KIRREL3: variants seen among roughly 807,000 people sequenced by gnomAD.
KIRREL3 encodes the protein kirre like nephrin family adhesion molecule 3, also known as kin of IRRE-like protein 3.
In KIRREL3, 36 loss-of-function variants were observed where a neutral mutation model predicts 89.7. That is an observed-to-expected ratio of 0.40 (90% CI 0.31 to 0.53). The LOEUF (loss-of-function observed/expected upper bound fraction) is 0.53. KIRREL3 is among the 20% of genes least tolerant of loss of function. The probability of loss-of-function intolerance (pLI) is 0.49; values close to 1 mark genes in which losing one functional copy is unlikely to be tolerated. For missense variants in KIRREL3, 864 were observed against 1,056.6 expected (o/e 0.82, Z 2.53); for synonymous variants, 445 against 441.4 (o/e 1.01, Z -0.10).
At position 126,867,297 on chromosome 11, in the gene KIRREL3, C is replaced by T. The variant is rs564396902; in HGVS notation, c.55+133158G>A. 6.6e-6 allele frequency among the ~76,000 whole-genome samples: 1 copy of T among 152,350 alleles called. No individual in the cohort carries two copies. Among genetic ancestry groups the T allele is most frequent in the Admixed American group, 6.5e-5 (1 of 15,308 alleles). ...CAATAGCAGGTCTTCAGGACCTGTG[C>T]TGGGACTCTCCTCTCATTACCTGCA... On this transcript the variant is annotated intron_variant, in intron 1 of 16. Coordinates refer to ENST00000525144, the MANE Select transcript of KIRREL3 (RefSeq NM_032531.4). The surrounding 1 kb of genome is among the most constrained non-coding windows in gnomAD (Gnocchi z 4.7).
At chr11:126,758,370 T>A (rs537101512) in intron 1 of KIRREL3, among the ~76,000 whole-genome samples, 130 of 152,376 alleles carry the variant, frequency 8.5e-4, no homozygotes, top group African/African-American at 3.1e-3. Flanking sequence ...TTTGTAGTAG[T>A]ACTATTTTGA....
chr11:126,479,432 C>T (rs561554842), intron 4 of KIRREL3, among the ~76,000 whole-genome samples: 1 of 152,366 alleles, frequency 6.6e-6, no homozygotes, highest in South Asian at 2.1e-4. Context: ...GCCCTTGCCA[C>T]TCCAGGCCAG....
At chr11:126,847,802 T>G (rs1944199593) in intron 1 of KIRREL3, among the ~76,000 whole-genome samples, 2 of 152,238 alleles carry the variant, frequency 1.3e-5, no homozygotes. Context: ...GGAACACATT[T>G]GTTTCCCTCT....
In KIRREL3 at chr11:126,430,213, G is replaced by A. The variant is rs1334571015; in HGVS notation, c.1697-925C>T. On this transcript the variant is annotated intron_variant, in intron 14 of 16. Coordinates refer to ENST00000525144, the MANE Select transcript of KIRREL3 (RefSeq NM_032531.4). This position sits in a 1 kb window ranked among gnomAD's most constrained non-coding sequence, Gnocchi z 6.6. ...TAATCCCAGCACATTGGGAGGCCGA[G>A]GAAGGCGGACCACTTGAGGCCAGGA... is the stretch of plus-strand genomic sequence containing the variant. Among the ~76,000 whole-genome samples the A allele has an allele frequency of 6.6e-6, 1 of 152,136 alleles. No homozygotes were observed. Among genetic ancestry groups the A allele is most frequent in the Admixed American group, 6.5e-5 (1 of 15,288 alleles).
chr11:126,616,370 C>G (rs1207760876), intron 1 of KIRREL3, among the ~76,000 whole-genome samples: 1 of 152,166 alleles, frequency 6.6e-6, no homozygotes, highest in Non-Finnish European at 1.5e-5. Flanking sequence ...TCTTCTTAAA[C>G]ACAGCCCAAA....
rs1031229419 is a variant in KIRREL3 at position 126,501,893 on chromosome 11, C to T, written c.433+19422G>A. Among the ~76,000 whole-genome samples, 14 of 152,136 alleles carry T rather than the reference C, an allele frequency of 9.2e-5. No homozygotes were observed. The highest frequency in any genetic ancestry group is 3.1e-4 in the African/African-American group (13 of 41,418). On this transcript the variant is annotated intron_variant, in intron 4 of 16. Transcript: ENST00000525144. The surrounding 1 kb of genome is among the most constrained non-coding windows in gnomAD (Gnocchi z 5.8). Reference sequence around the variant, plus strand: ...CATCGATACCAGTGACTTACATGCACCCAGGTGCCAAGGTAAGCACGGACG... The same window carrying T: ...CATCGATACCAGTGACTTACATGCATCCAGGTGCCAAGGTAAGCACGGACG...
rs116294321 is a variant in KIRREL3 at position 126,708,031 on chromosome 11, C to T, written c.56-145119G>A. ...AGGGTGAAACAGGCGATTGGCAATA[C>T]TCCCCTCCGCATCCCTGAAGCAGGT... On this transcript the variant is annotated intron_variant, in intron 1 of 16. Transcript: ENST00000525144. The surrounding 1 kb of genome is among the most constrained non-coding windows in gnomAD (Gnocchi z 5.7). Among the ~76,000 whole-genome samples, 523 of 152,284 alleles carry T rather than the reference C, an allele frequency of 3.4e-3. 2 individuals are homozygous for T. The highest frequency in any genetic ancestry group is 0.012 in the African/African-American group (491 of 41,556).
At chr11:126,762,819 G>A (rs902572129) in intron 1 of KIRREL3, among the ~76,000 whole-genome samples, 8 of 152,150 alleles carry the variant, frequency 5.3e-5, no homozygotes, top group African/African-American at 1.2e-4. Context: ...AGTCTCTTTC[G>A]TCAACCTGCT....
intron 1 of KIRREL3, among the ~76,000 whole-genome samples, chr11:126,893,771 C>T (rs913315702): frequency 3.3e-5 from 5 of 152,200 alleles, no homozygotes; most frequent in East Asian, 1.9e-4. Flanking sequence ...TTAAACGATG[C>T]GTGTTATAAA....
At chr11:126,437,916 A>G (rs1250062666) in intron 11 of KIRREL3, among the ~76,000 whole-genome samples, 2 of 152,180 alleles carry the variant, frequency 1.3e-5, no homozygotes, top group East Asian at 1.9e-4. Flanking sequence ...CACACACACA[A>G]GTACACACAC....
At chr11:126,649,371 G>C (rs1944820590) in intron 1 of KIRREL3, among the ~76,000 whole-genome samples, 1 of 152,234 alleles carries the variant, frequency 6.6e-6, no homozygotes, top group Non-Finnish European at 1.5e-5. Flanking sequence ...AAAGTCCACA[G>C]TCCAAACTCT....
chr11:126,682,315 C>T lies in KIRREL3; in HGVS notation c.56-119403G>A, dbSNP rs972579478. ...TCCTTCTAGGTTAGAGTGGGTGACACTGAGCATGTAACTTAACCTCTCTGA... is the reference window on the plus strand; with the variant it reads ...TCCTTCTAGGTTAGAGTGGGTGACATTGAGCATGTAACTTAACCTCTCTGA... On this transcript the variant is annotated intron_variant, in intron 1 of 16. Coordinates refer to ENST00000525144, the MANE Select transcript of KIRREL3 (RefSeq NM_032531.4). The surrounding 1 kb of genome is among the most constrained non-coding windows in gnomAD (Gnocchi z 4.8). Among the ~76,000 whole-genome samples, 3 of 152,124 alleles carry T rather than the reference C, an allele frequency of 2.0e-5. No homozygotes were observed. Among genetic ancestry groups the T allele is most frequent in the African/African-American group, 7.2e-5 (3 of 41,432 alleles).
Position 126,447,631 on chromosome 11 carries a change from T to C in KIRREL3, c.998-745A>G, listed in dbSNP as rs1274894111. ...AGGCTCCTCTCCACCTTCCCTAGCA[T>C]GTCTGGAGCCTTCTGTAGACCAAGC... is the stretch of plus-strand genomic sequence containing the variant. On this transcript the variant is annotated intron_variant, in intron 8 of 16. Transcript: ENST00000525144. 2.0e-5 allele frequency among the ~76,000 whole-genome samples: 3 copies of C among 152,228 alleles called. No individual in the cohort carries two copies. The East Asian group carries it at 5.8e-4, about 30-fold the overall frequency.
chr11:126,982,769 C>A (rs1949753588), intron 1 of KIRREL3, among the ~76,000 whole-genome samples: 1 of 152,220 alleles, frequency 6.6e-6, no homozygotes, highest in South Asian at 2.1e-4. Context: ...GCAAATCATA[C>A]ATGGACAAAC....
intron 1 of KIRREL3, among the ~76,000 whole-genome samples, chr11:126,718,460 T>C (rs546226436): frequency 6.6e-6 from 1 of 152,266 alleles, no homozygotes; most frequent in East Asian, 1.9e-4. Flanking sequence ...ACGAGGGTGT[T>C]TGGGGGCACT....
rs1018582627 is a variant in KIRREL3, at chr11:126,498,499, G to A, written c.433+22816C>T. ...TGTCTGTCAGGTAAGGGGTGGCAGC[G>A]AGAGATAATTATAATCAGATCTAAT... On this transcript the variant is annotated intron_variant, in intron 4 of 16. Coordinates refer to ENST00000525144, the MANE Select transcript of KIRREL3 (RefSeq NM_032531.4). The surrounding 1 kb of genome is among the most constrained non-coding windows in gnomAD (Gnocchi z 4.3). 2.0e-5 allele frequency among the ~76,000 whole-genome samples: 3 copies of A among 152,188 alleles called. No homozygotes were observed. The highest frequency in any genetic ancestry group is 1.5e-5 in the Non-Finnish European group (1 of 68,044).
At chr11:126,586,763 G>A (rs982520020) in intron 1 of KIRREL3, among the ~76,000 whole-genome samples, 1 of 152,092 alleles carries the variant, frequency 6.6e-6, no homozygotes, top group Admixed American at 6.5e-5. Context: ...CACCGTGAAG[G>A]CACTGGGTCA....
chr11:126,925,994 AG>A (rs1301343751), intron 1 of KIRREL3, among the ~76,000 whole-genome samples: 1 of 152,214 alleles, frequency 6.6e-6, no homozygotes, highest in African/African-American at 2.4e-5. Context: ...GCAGTGACTC[AG>A]TCATGGGCAG....
Position 126,843,927 on chromosome 11 carries a change from G to A in KIRREL3, c.55+156528C>T, listed in dbSNP as rs954984105. Reference sequence around the variant, plus strand: ...GAGGCATGAATAATCCCCTTGTTTAGCATATTGTCAAGAAATAATCATAAA... The same window carrying A: ...GAGGCATGAATAATCCCCTTGTTTAACATATTGTCAAGAAATAATCATAAA... On this transcript the variant is annotated intron_variant, in intron 1 of 16. Transcript: ENST00000525144. The surrounding 1 kb of genome is among the most constrained non-coding windows in gnomAD (Gnocchi z 4.6). Among the ~76,000 whole-genome samples, 1 of 152,164 alleles carries A rather than the reference G, an allele frequency of 6.6e-6. No individual in the cohort carries two copies. The highest frequency in any genetic ancestry group is 2.4e-5 in the African/African-American group (1 of 41,428).
Sources: gnomAD v4.1 joint callset for allele counts (sites outside exome capture counted in the v4.1 genomes callset) on GRCh38, gnomAD v4.1.1 for gene constraint, Gnocchi (gnomAD v3.1) non-coding constraint, MANE v1.5 for transcripts, NCBI Gene and HGNC (gene_info 2026-07-23, HGNC 2026-07-21) for gene names.